Variants in ZNF827 observed in about 807,000 individuals in gnomAD.
ZNF827 encodes the protein zinc finger protein 827.
ZNF827 carries 13 observed loss-of-function variants against 102.4 expected under a neutral mutation model. The observed-to-expected ratio is 0.13, with a 90% CI of 0.08 to 0.20. The LOEUF (loss-of-function observed/expected upper bound fraction) is 0.20, where lower values mean the gene tolerates loss of function less well. ZNF827 is among the 10% of genes least tolerant of loss of function. The probability of loss-of-function intolerance (pLI) is 1.00; values close to 1 mark genes in which losing one functional copy is unlikely to be tolerated. For synonymous variants in ZNF827, 523 were observed against 536.2 expected (o/e 0.98, Z 0.34); for missense variants, 1,103 against 1,344.4 (o/e 0.82, Z 2.81).
At chr4:145,812,613 T>A (rs1444617297) in intron 8 of ZNF827, among the ~76,000 whole-genome samples, 3 of 152,098 alleles carry the variant, frequency 2.0e-5, no homozygotes, top group Non-Finnish European at 2.9e-5. Flanking sequence ...CTGCAGCCTC[T>A]GCCGCCTGGG....
chr4:145,775,619 G>T (rs977377055), intron 10 of ZNF827, among the ~76,000 whole-genome samples, 170 bp downstream of exon 10: 1 of 152,228 alleles, frequency 6.6e-6, no homozygotes, highest in Admixed American at 6.5e-5. Flanking sequence ...AACCAAGAGA[G>T]GAGTCTGTGC....
intron 9 of ZNF827, 71 bp downstream of exon 9, chr4:145,779,303 T>G: frequency 1.3e-6 from 2 of 1,540,234 alleles, no homozygotes; most frequent in Admixed American, 2.1e-5. Context: ...TTAGAGAAAC[T>G]CAGTTTCCGG....
intron 3 of ZNF827, among the ~76,000 whole-genome samples, chr4:145,889,491 T>C (rs1385934587): frequency 6.6e-6 from 1 of 152,104 alleles, no homozygotes; most frequent in African/African-American, 2.4e-5. Context: ...GGAACTGAGA[T>C]TCTAACTAAG....
intron 7 of ZNF827, among the ~76,000 whole-genome samples, chr4:145,833,639 AC>A (rs754411468): frequency 1.2e-4 from 17 of 141,292 alleles, no homozygotes; most frequent in Non-Finnish European, 2.0e-4. Context: ...TTATTTCTGC[AC>A]CCCAACCTCT....
intron 11 of ZNF827, among the ~76,000 whole-genome samples, chr4:145,771,693 C>T (rs1736309191): frequency 6.6e-6 from 1 of 152,178 alleles, no homozygotes; most frequent in Non-Finnish European, 1.5e-5. Context: ...CACTCACAGG[C>T]ATGCCTGGAG....
chr4:145,892,898 T>C lies in ZNF827; in HGVS notation c.1094-483A>G, dbSNP rs1750715872. ...CAGAGAATAATGCACTGCTCCACAC[T>C]GAAAACCAAACAGCTAGCATAAACC... On this transcript the variant is annotated intron_variant, in intron 2 of 14. Transcript: ENST00000508784. Among the ~76,000 whole-genome samples the C allele has an allele frequency of 2.6e-5, 4 of 152,234 alleles. No homozygotes were observed. The South Asian group carries it at 8.3e-4, about 32-fold the overall frequency.
intron 8 of ZNF827, among the ~76,000 whole-genome samples, chr4:145,797,368 C>A (rs1181705014): frequency 6.6e-6 from 1 of 152,212 alleles, no homozygotes; most frequent in Non-Finnish European, 1.5e-5. Context: ...GGAAGCTTCA[C>A]ACTGACCTTT....
chr4:145,779,926 T>TA (rs1737717105), intron 8 of ZNF827, among the ~76,000 whole-genome samples: 1 of 152,318 alleles, frequency 6.6e-6, no homozygotes, highest in African/African-American at 2.4e-5. Context: ...CTTGGTCACT[T>TA]ACACCTGTAA....
At chr4:145,865,969 T>G (rs1356481717) in intron 5 of ZNF827, among the ~76,000 whole-genome samples, 1 of 152,116 alleles carries the variant, frequency 6.6e-6, no homozygotes, top group Admixed American at 6.5e-5. Flanking sequence ...AAACATAAAC[T>G]CAGAAGCTGC....
At chr4:145,878,093 T>C (rs964321629) in intron 4 of ZNF827, among the ~76,000 whole-genome samples, 4 of 152,224 alleles carry the variant, frequency 2.6e-5, no homozygotes, top group African/African-American at 9.6e-5. Context: ...TAAATTAATA[T>C]GCTGACATTC....
rs1193411787 is a variant in ZNF827, at chr4:145,830,274, T to TG, written c.2280-6750dup. Among the ~76,000 whole-genome samples the TG allele has an allele frequency of 2.2e-5, 3 of 135,254 alleles. No homozygotes were observed. The South Asian group carries it at 8.6e-4, about 39-fold the overall frequency. 88.7% of individuals were successfully genotyped at this position (135,254 alleles called of 152,430 possible). A position where few individuals can be genotyped will look rare whatever the true frequency, so the allele number is the denominator to read the frequency against. ...AGGCCTTGCCAAAAGACAAAAAAAG[T>TG]GTTTTTTTTTTAATGCTTCTTAAAC... On this transcript the variant is annotated intron_variant, in intron 7 of 14. Transcript: ENST00000508784.
chr4:145,922,606 T>C (rs1428687039), intron 1 of ZNF827, among the ~76,000 whole-genome samples: 1 of 152,234 alleles, frequency 6.6e-6, no homozygotes, highest in Non-Finnish European at 1.5e-5. Context: ...GTAAACATCT[T>C]TTTAATAACA....
At chr4:145,802,654 C>A (rs1480321125) in intron 8 of ZNF827, among the ~76,000 whole-genome samples, 1 of 152,242 alleles carries the variant, frequency 6.6e-6, no homozygotes, top group East Asian at 1.9e-4. Flanking sequence ...TCTCAACCAA[C>A]ATTTTTTAAA....
At chr4:145,818,950 C>T (rs1742864983) in intron 8 of ZNF827, among the ~76,000 whole-genome samples, 6 of 152,138 alleles carry the variant, frequency 3.9e-5, no homozygotes, top group African/African-American at 7.2e-5. Context: ...AATTCCAAAC[C>T]AGCCTTTTGA....
At chr4:145,776,221 C>T (rs1411658390) in intron 9 of ZNF827, among the ~76,000 whole-genome samples, 1 of 152,102 alleles carries the variant, frequency 6.6e-6, no homozygotes, top group Non-Finnish European at 1.5e-5. Flanking sequence ...GTTTGGGAGG[C>T]TAAGACAGAA....
At position 145,761,629 on chromosome 4, in the gene ZNF827, A is replaced by G. The variant is rs1734510629; in HGVS notation, c.*18-31T>C. ...GGGGAAAGCAACGCAAGGGAGGTTC[A>G]GCCGGGAAGGTTCGGAGGCAGCCGC... On this transcript the variant is annotated intron_variant, in intron 14 of 14. Coordinates refer to ENST00000508784, the MANE Select transcript of ZNF827 (RefSeq NM_001306215.2). The surrounding 1 kb of genome is among the most constrained non-coding windows in gnomAD (Gnocchi z 6.8). 8.2e-7 allele frequency: 1 copy of G among 1,212,312 alleles called. No homozygotes were observed. Among genetic ancestry groups the G allele is most frequent in the African/African-American group, 1.6e-5 (1 of 64,370 alleles). 75.1% of individuals were successfully genotyped at this position (1,212,312 alleles called of 1,614,324 possible).
chr4:145,809,380 C>T (rs1005816896), intron 8 of ZNF827, among the ~76,000 whole-genome samples: 10 of 152,138 alleles, frequency 6.6e-5, no homozygotes, highest in African/African-American at 2.4e-4. Flanking sequence ...TTTTCCTGGG[C>T]CTAGGGCAGG....
chr4:145,813,032 C>T (rs1742194973), intron 8 of ZNF827, among the ~76,000 whole-genome samples: 1 of 152,192 alleles, frequency 6.6e-6, no homozygotes, highest in Non-Finnish European at 1.5e-5. Flanking sequence ...CCCATTCTGT[C>T]CTACCTGGGA....
chr4:145,849,892 C>T (rs1487383664), intron 5 of ZNF827, among the ~76,000 whole-genome samples: 1 of 152,218 alleles, frequency 6.6e-6, no homozygotes, highest in African/African-American at 2.4e-5. Flanking sequence ...TTCCTCTCTA[C>T]CACACTGTTT....
Sources: allele counts gnomAD v4.1 joint callset (sites outside exome capture counted in the v4.1 genomes callset), GRCh38; gene constraint gnomAD v4.1.1; non-coding constraint Gnocchi (gnomAD v3.1); transcripts MANE v1.5; gene names NCBI Gene and HGNC (gene_info 2026-07-23, HGNC 2026-07-21).